IL1RAPL2: variants seen among roughly 807,000 people sequenced by gnomAD.
IL1RAPL2 encodes X-linked interleukin-1 receptor accessory protein-like 2.
Under a neutral mutation model 44.1 loss-of-function variants are expected in IL1RAPL2, and 3 were observed. The ratio of observed to expected loss-of-function variants is 0.07; its 90% CI spans 0.03 to 0.18. The LOEUF is 0.18. Among genes scored for constraint, IL1RAPL2 ranks in the 10% least tolerant of loss-of-function variants. The pLI is 1.00. For synonymous variants in IL1RAPL2, 181 were observed against 178.8 expected (o/e 1.01, Z -0.10); for missense variants, 391 against 496.4 (o/e 0.79, Z 2.02).
intron 1 of IL1RAPL2, among the ~76,000 whole-genome samples, chrX:104,658,491 G>A (rs1453675210): frequency 8.9e-6 from 1 of 112,040 alleles, no homozygotes; most frequent in East Asian, 2.8e-4. Flanking sequence ...GGGAGGAATA[G>A]AATTAGGAGA....
chrX:104,891,720 T>C (rs1253658870), intron 2 of IL1RAPL2, among the ~76,000 whole-genome samples: 1 of 111,934 alleles, frequency 8.9e-6, no homozygotes, highest in African/African-American at 3.2e-5. Flanking sequence ...TTTCTAAATA[T>C]ACAATCATAT....
At chrX:104,754,189 A>G (rs1001823818) in intron 2 of IL1RAPL2, among the ~76,000 whole-genome samples, 4 of 111,251 alleles carry the variant, frequency 3.6e-5, no homozygotes, top group South Asian at 3.8e-4. Flanking sequence ...CAGTCTTCCA[A>G]TGTTTCCAAG....
chrX:104,803,526 A>G (rs1932899200), intron 2 of IL1RAPL2, among the ~76,000 whole-genome samples: 1 of 112,301 alleles, frequency 8.9e-6, no homozygotes, highest in Non-Finnish European at 1.9e-5. Context: ...CTTAAAGTCA[A>G]CATTTGAGGT....
intron 2 of IL1RAPL2, among the ~76,000 whole-genome samples, chrX:105,184,733 T>C (rs1197834105): frequency 1.2e-4 from 13 of 110,625 alleles, no homozygotes; most frequent in African/African-American, 3.3e-4. Context: ...GCCCTTTTAC[T>C]GTCATGAAGT....
chrX:104,790,220 A>G (rs1305576247), intron 2 of IL1RAPL2, among the ~76,000 whole-genome samples: 2 of 112,180 alleles, frequency 1.8e-5, no homozygotes, highest in African/African-American at 6.5e-5. Flanking sequence ...TGGGATATTA[A>G]CTTAGCCAGG....
intron 3 of IL1RAPL2, among the ~76,000 whole-genome samples, chrX:105,217,095 T>A (rs1292078786): frequency 2.8e-5 from 3 of 106,640 alleles, no homozygotes; most frequent in Non-Finnish European, 5.8e-5. Flanking sequence ...AAGCCAAAAT[T>A]GACAAATGGG....
intron 2 of IL1RAPL2, among the ~76,000 whole-genome samples, chrX:104,968,553 G>A (rs2030170185): frequency 9.0e-6 from 1 of 111,162 alleles, no homozygotes; most frequent in Non-Finnish European, 1.9e-5. Flanking sequence ...AGTAAGACAA[G>A]AATAAAAGGT....
intron 6 of IL1RAPL2, among the ~76,000 whole-genome samples, chrX:105,686,380 C>CAAAAAAAAAAAAAA (rs1177667576): frequency 3.6e-4 from 9 of 25,165 alleles, no homozygotes; most frequent in African/African-American, 8.9e-4. Context: ...AAATGGAAAG[C>CAAAAAAAAAAAAAA]AAAAAAAAAA....
chrX:105,181,195 T>C (rs1182601221), intron 2 of IL1RAPL2, among the ~76,000 whole-genome samples: 3 of 112,198 alleles, frequency 2.7e-5, no homozygotes, highest in Non-Finnish European at 5.6e-5. Context: ...ACTTTATTTC[T>C]GATTTTGAGT....
intron 6 of IL1RAPL2, among the ~76,000 whole-genome samples, chrX:105,655,737 C>A (rs1006898695): frequency 8.9e-6 from 1 of 111,896 alleles, no homozygotes; most frequent in Non-Finnish European, 1.9e-5. Context: ...GGAATTAGAC[C>A]ATTGGCATCA....
At chrX:105,283,076 A>G (rs1158381995) in intron 5 of IL1RAPL2, among the ~76,000 whole-genome samples, 1 of 111,222 alleles carries the variant, frequency 9.0e-6, no homozygotes, top group South Asian at 3.8e-4. Context: ...AAAAATATCT[A>G]ATGAAGTGGA....
chrX:105,682,023 T>C (rs768830210), intron 6 of IL1RAPL2, among the ~76,000 whole-genome samples: 1 of 111,720 alleles, frequency 9.0e-6, no homozygotes, highest in African/African-American at 3.2e-5. Flanking sequence ...CTTTCAAAAG[T>C]GAAAGGTCTA....
chrX:104,943,618 C>T (rs1327810732), intron 2 of IL1RAPL2, among the ~76,000 whole-genome samples: 1 of 111,179 alleles, frequency 9.0e-6, no homozygotes, highest in Non-Finnish European at 1.9e-5. Flanking sequence ...ATGATTGCCC[C>T]CACCTCCTCC....
chrX:105,081,313 C>T (rs955627650), intron 2 of IL1RAPL2, among the ~76,000 whole-genome samples: 1 of 111,627 alleles, frequency 9.0e-6, no homozygotes, highest in East Asian at 2.8e-4. Flanking sequence ...AAAGGGAATG[C>T]TTCCAATTTT....
Position 104,761,920 on chromosome X carries a change from TCTC to T in IL1RAPL2, c.82+102928_82+102930del, listed in dbSNP as rs1448315987. Among the ~76,000 whole-genome samples, 13 of 33,886 alleles carry T rather than the reference TCTC, an allele frequency of 3.8e-4. No homozygotes were observed. In the South Asian group the frequency reaches 6.4e-3, roughly 17 times the overall value. 29.4% of individuals were successfully genotyped at this position (33,886 alleles called of 115,157 possible). A position where few individuals can be genotyped will look rare whatever the true frequency, so the allele number is the denominator to read the frequency against. On this transcript the variant is annotated intron_variant, in intron 2 of 10. Coordinates refer to ENST00000372582, the MANE Select transcript of IL1RAPL2 (RefSeq NM_017416.2). The stretch of plus-strand genomic sequence containing the variant: ...TTCTCCTTCTCCTTCTCCTTCTCCT[TCTC>T]CTTCTTCTTCTTCTTCTTCTTCTTC...
chrX:104,822,165 T>C (rs1921321733), intron 2 of IL1RAPL2, among the ~76,000 whole-genome samples: 1 of 111,835 alleles, frequency 8.9e-6, no homozygotes, highest in East Asian at 2.8e-4. Context: ...GTCAGATGGA[T>C]AGATTGTAAA....
chrX:104,733,477 C>A (rs764020292), intron 2 of IL1RAPL2, among the ~76,000 whole-genome samples: 4 of 108,656 alleles, frequency 3.7e-5, no homozygotes, highest in Non-Finnish European at 7.6e-5. Context: ...AACAAAAAAC[C>A]GGGGTAGTGG....
intron 6 of IL1RAPL2, among the ~76,000 whole-genome samples, chrX:105,689,816 C>T (rs150081555): frequency 0.01 from 1,157 of 112,219 alleles, 21 homozygotes; most frequent in African/African-American, 0.035. Flanking sequence ...TTGAAACCAA[C>T]CCAAATGTCC....
At chrX:105,128,519 TTCAAG>T (rs774838189) in intron 2 of IL1RAPL2, among the ~76,000 whole-genome samples, 4 of 111,511 alleles carry the variant, frequency 3.6e-5, no homozygotes, top group African/African-American at 1.3e-4. Flanking sequence ...TGGAAATTCC[TTCAAG>T]TCATTTGGTA....
Sources: allele counts gnomAD v4.1 joint callset (sites outside exome capture counted in the v4.1 genomes callset), GRCh38; gene constraint gnomAD v4.1.1; transcripts MANE v1.5; gene names NCBI Gene and HGNC (gene_info 2026-07-23, HGNC 2026-07-21).